The following ZNF407 variants were observed in gnomAD, a reference collection of about 807,000 sequenced individuals.
The protein encoded by ZNF407 is zinc finger protein 407.
A neutral mutation model predicts 131.2 loss-of-function variants in ZNF407; 17 were observed. That is an observed-to-expected ratio of 0.13 (90% CI 0.09 to 0.19). ZNF407 has a LOEUF of 0.19. Ranked by LOEUF, ZNF407 falls within the 10% of genes least tolerant of loss-of-function variation. ZNF407 has a pLI of 1.00. For synonymous variants in ZNF407, 1,156 were observed against 1,062.0 expected, an observed-to-expected ratio of 1.09 and a Z score of -1.72; for missense variants, 2,681 against 2,830.6, an observed-to-expected ratio of 0.95 and a Z score of 1.20.
intron 4 of ZNF407, among the ~76,000 whole-genome samples, chr18:74,844,609 C>T (rs1031077648): frequency 6.6e-6 from 1 of 151,832 alleles, no homozygotes; most frequent in Non-Finnish European, 1.5e-5. Context: ...TGGTAGTTAT[C>T]TTTTATAAGA....
At chr18:74,991,185 A>G (rs1321859842) in intron 8 of ZNF407, among the ~76,000 whole-genome samples, 1 of 152,236 alleles carries the variant, frequency 6.6e-6, no homozygotes, top group East Asian at 1.9e-4. Context: ...ATGAAACTAA[A>G]AAGCTGATAG....
chr18:74,706,993 C>T (rs1446067954), intron 3 of ZNF407, among the ~76,000 whole-genome samples: 3 of 151,046 alleles, frequency 2.0e-5, no homozygotes, highest in Non-Finnish European at 4.4e-5. Context: ...GCATTGTCGC[C>T]CAGGCTGGAG....
chr18:74,637,008 T>TG (rs1984494598), intron 2 of ZNF407, among the ~76,000 whole-genome samples: 1 of 152,240 alleles, frequency 6.6e-6, no homozygotes, highest in South Asian at 2.1e-4. Context: ...AAGAGGAAGA[T>TG]GCTAATGGAG....
chr18:74,821,097 G>A (rs563036520), intron 4 of ZNF407, among the ~76,000 whole-genome samples: 1 of 152,112 alleles, frequency 6.6e-6, no homozygotes, highest in African/African-American at 2.4e-5. Flanking sequence ...AGGAGCTGCA[G>A]AATGGAAAGA....
intron 3 of ZNF407, among the ~76,000 whole-genome samples, chr18:74,777,751 C>CTCGT (rs57785452): frequency 6.6e-6 from 1 of 150,496 alleles, no homozygotes; most frequent in African/African-American, 2.4e-5. Context: ...CTCTCTCTCT[C>CTCGT]ATTCACTCAA....
At chr18:74,823,773 T>C (rs565317453) in intron 4 of ZNF407, among the ~76,000 whole-genome samples, 1 of 152,218 alleles carries the variant, frequency 6.6e-6, no homozygotes, top group South Asian at 2.1e-4. Flanking sequence ...GGAGGCTTTA[T>C]CACCCCACTG....
intron 4 of ZNF407, among the ~76,000 whole-genome samples, chr18:74,839,930 A>G (rs1970609322): frequency 6.6e-6 from 1 of 152,158 alleles, no homozygotes; most frequent in Non-Finnish European, 1.5e-5. Context: ...ACGGAAGAGG[A>G]CCTAAGGAAG....
intron 1 of ZNF407, among the ~76,000 whole-genome samples, chr18:74,602,238 A>G (rs1295715683): frequency 6.6e-6 from 1 of 152,226 alleles, no homozygotes; most frequent in Non-Finnish European, 1.5e-5. Flanking sequence ...GCCTCCCTAA[A>G]TAAAGTAAAA....
chr18:74,714,225 G>T (rs996771409), intron 3 of ZNF407, among the ~76,000 whole-genome samples: 1 of 152,162 alleles, frequency 6.6e-6, no homozygotes, highest in African/African-American at 2.4e-5. Flanking sequence ...AAATGTAATT[G>T]CAAAAATTAA....
At chr18:74,872,299 C>T (rs894038730) in intron 4 of ZNF407, among the ~76,000 whole-genome samples, 2 of 151,780 alleles carry the variant, frequency 1.3e-5, no homozygotes, top group African/African-American at 4.8e-5. Flanking sequence ...AGTTTCACAC[C>T]CAACTTGTTT....
At chr18:74,706,723 G>A (rs1967632128) in intron 3 of ZNF407, among the ~76,000 whole-genome samples, 1 of 152,132 alleles carries the variant, frequency 6.6e-6, no homozygotes, top group Non-Finnish European at 1.5e-5. Flanking sequence ...GATAGGGATG[G>A]TTCTTATTTT....
chr18:74,715,007 C>G (rs539051250), intron 3 of ZNF407, among the ~76,000 whole-genome samples: 2 of 152,198 alleles, frequency 1.3e-5, no homozygotes, highest in African/African-American at 4.8e-5. Context: ...TCTCTGCTCC[C>G]TGGGTAGCCC....
intron 3 of ZNF407, among the ~76,000 whole-genome samples, chr18:74,708,038 A>C (rs1309424766): frequency 3.3e-5 from 5 of 152,168 alleles, no homozygotes; most frequent in Non-Finnish European, 7.4e-5. Context: ...AGTTTGAACA[A>C]TTTTCTTGTT....
chr18:74,723,122 T>A (rs911827638), intron 3 of ZNF407, among the ~76,000 whole-genome samples: 1 of 152,236 alleles, frequency 6.6e-6, no homozygotes, highest in African/African-American at 2.4e-5. Flanking sequence ...AAAACTTGGT[T>A]ATTTTATTTT....
intron 7 of ZNF407, among the ~76,000 whole-genome samples, chr18:74,892,640 T>TA (rs1471471239): frequency 6.6e-6 from 1 of 152,192 alleles, no homozygotes; most frequent in Non-Finnish European, 1.5e-5. Context: ...ATGCTTTTCT[T>TA]AAAAAACAGT....
rs36225166 is a variant in ZNF407, at chr18:74,963,152, C to CT, written c.5428+42477dup. On this transcript the variant is annotated intron_variant, in intron 8 of 8. Coordinates refer to ENST00000299687, the MANE Select transcript of ZNF407 (RefSeq NM_017757.3). ...CATTTCCATTGACTAACCTTCATTC[C>CT]TTTTTTTTTTTTTTTTTGTCCTGAA... 8.4e-3 allele frequency among the ~76,000 whole-genome samples: 1,166 copies of CT among 138,474 alleles called. 14 individuals are homozygous for CT. The highest frequency in any genetic ancestry group is 0.043 in the East Asian group (206 of 4,776). 90.8% of individuals were successfully genotyped at this position (138,474 alleles called of 152,430 possible).
rs1973459748 is a variant in ZNF407, at chr18:75,048,354, T to C, written c.5429-14796T>C. ...TCCCTCTCTTCTTTCTTCCCTTCCATGACCTCAGGTCTTGACTTTTTGGCT... is the reference window on the plus strand; with the variant it reads ...TCCCTCTCTTCTTTCTTCCCTTCCACGACCTCAGGTCTTGACTTTTTGGCT... On this transcript the variant is annotated intron_variant, in intron 8 of 8. Coordinates refer to ENST00000299687, the MANE Select transcript of ZNF407 (RefSeq NM_017757.3). This position sits in a 1 kb window ranked among gnomAD's most constrained non-coding sequence, Gnocchi z 4.1. 6.6e-6 allele frequency among the ~76,000 whole-genome samples: 1 copy of C among 152,262 alleles called. No individual in the cohort carries two copies.
intron 8 of ZNF407, among the ~76,000 whole-genome samples, chr18:75,016,764 T>C (rs1973049517): frequency 6.6e-6 from 1 of 152,186 alleles, no homozygotes; most frequent in East Asian, 1.9e-4. Flanking sequence ...GCCCTAAAAT[T>C]ACATTGAGTT....
At chr18:74,742,657 T>C (rs12957259) in intron 3 of ZNF407, among the ~76,000 whole-genome samples, 19,668 of 152,140 alleles carry the variant, frequency 0.13, 2,203 homozygotes, top group African/African-American at 0.3. Context: ...TTTTTAGAAA[T>C]TTGTTTGTTC....
Sources: gnomAD v4.1 joint callset for allele counts (sites outside exome capture counted in the v4.1 genomes callset) on GRCh38, gnomAD v4.1.1 for gene constraint, Gnocchi (gnomAD v3.1) non-coding constraint, MANE v1.5 for transcripts, NCBI Gene and HGNC (gene_info 2026-07-23, HGNC 2026-07-21) for gene names.